Variants in EGFLAM observed in about 807,000 individuals in gnomAD.
EGFLAM encodes pikachurin.
In EGFLAM, 79 loss-of-function variants were observed where a neutral mutation model predicts 113.1. That is an observed-to-expected ratio of 0.70 (90% CI 0.58 to 0.84). EGFLAM has a LOEUF of 0.84. Among genes scored for constraint, EGFLAM ranks in the 40% least tolerant of loss-of-function variants. EGFLAM has a pLI of 0.00. For missense variants in EGFLAM, 1,265 were observed against 1,291.6 expected, an observed-to-expected ratio of 0.98 and a Z score of 0.32; for synonymous variants, 504 against 487.6, an observed-to-expected ratio of 1.03 and a Z score of -0.44.
chr5:38,297,489 C>A (rs1758475508), intron 1 of EGFLAM, among the ~76,000 whole-genome samples: 1 of 152,110 alleles, frequency 6.6e-6, no homozygotes, highest in Admixed American at 6.5e-5. Context: ...TCAAATCACA[C>A]AATTTTGGTT....
chr5:38,267,492 T>C (rs1757659971), intron 1 of EGFLAM, among the ~76,000 whole-genome samples: 1 of 152,236 alleles, frequency 6.6e-6, no homozygotes, highest in African/African-American at 2.4e-5. Flanking sequence ...TTGTAATTCT[T>C]GAGTGAGCAG....
intron 13 of EGFLAM, among the ~76,000 whole-genome samples, chr5:38,425,415 C>T (rs1425409268): frequency 2.6e-5 from 4 of 152,198 alleles, no homozygotes; most frequent in African/African-American, 9.6e-5. Flanking sequence ...GATCCACCCG[C>T]CTCGGCCTCC....
At position 38,412,637 on chromosome 5, in the gene EGFLAM, G is replaced by A; in HGVS notation, c.1483G>A (p.Gly495Ser). The A allele has an allele frequency of 6.2e-7, 1 of 1,613,982 alleles. No homozygotes were observed. The highest frequency in any genetic ancestry group is 8.5e-7 in the Non-Finnish European group (1 of 1,179,998). Reference protein sequence around the residue: ...LQLNNGTPVTGQSQGQYSKIT... With the variant: ...LQLNNGTPVTSQSQGQYSKIT... ...GCTGAACAATGGCACCCCAGTGACA[G>A]GCCAGTCTCAGGTATGTATGAGCCC... Residue 495 changes from glycine to serine, a missense_variant, in exon 11 of 22, where the codon GGC becomes AGC. Coordinates refer to ENST00000322350, the MANE Select transcript of EGFLAM (RefSeq NM_152403.4).
intron 3 of EGFLAM, among the ~76,000 whole-genome samples, chr5:38,348,127 T>G (rs548290734): frequency 1.5e-4 from 23 of 152,052 alleles, no homozygotes; most frequent in Non-Finnish European, 2.9e-4. Flanking sequence ...GGAGGAATGA[T>G]TCATTGAGCT....
At chr5:38,312,407 A>G (rs1046782914) in intron 1 of EGFLAM, among the ~76,000 whole-genome samples, 1 of 151,720 alleles carries the variant, frequency 6.6e-6, no homozygotes, top group African/African-American at 2.4e-5. Context: ...TCGCCTGGCT[A>G]ATTTTTTGTA....
At chr5:38,425,996 G>A (rs963019377) in intron 13 of EGFLAM, among the ~76,000 whole-genome samples, 2 of 151,914 alleles carry the variant, frequency 1.3e-5, no homozygotes, top group Admixed American at 6.6e-5. Flanking sequence ...CCAGCTACTC[G>A]GGAGGCTGAG....
rs1029811206 is a variant in EGFLAM, at chr5:38,424,971, A to G, written c.1689A>G (p.Glu563=). ...GKALSGADVG[E]CSSGICDEAS... ...TAATTCCCATTCTGTATTTAGGGGAATGCAGCAGTGGAATCTGTGATGAGG... is the reference window on the plus strand; with the variant it reads ...TAATTCCCATTCTGTATTTAGGGGAGTGCAGCAGTGGAATCTGTGATGAGG... Residue 563 remains glutamate (E), a synonymous_variant, in exon 13 of 22, where the codon GAA becomes GAG. Transcript: ENST00000322350. The G allele has an allele frequency of 6.2e-7, 1 of 1,613,588 alleles. No homozygotes were observed. The highest frequency in any genetic ancestry group is 1.1e-5 in the South Asian group (1 of 91,068).
intron 6 of EGFLAM, among the ~76,000 whole-genome samples, chr5:38,394,641 C>A (rs1740907432): frequency 6.6e-6 from 1 of 151,080 alleles, no homozygotes; most frequent in Admixed American, 6.6e-5. Flanking sequence ...GATCTCCTGA[C>A]CTCGTGATCC....
intron 17 of EGFLAM, among the ~76,000 whole-genome samples, chr5:38,443,582 C>T (rs930088122): frequency 3.3e-5 from 5 of 152,156 alleles, no homozygotes; most frequent in African/African-American, 4.8e-5. Context: ...AGCACGGGAG[C>T]GTGCCACCTT....
intron 5 of EGFLAM, among the ~76,000 whole-genome samples, chr5:38,357,796 T>G (rs1739801442): frequency 6.6e-6 from 1 of 151,924 alleles, no homozygotes; most frequent in Non-Finnish European, 1.5e-5. Flanking sequence ...TCATTTACTC[T>G]TCTTATTTGC....
chr5:38,403,856 G>A (rs370654364), intron 6 of EGFLAM: 97 of 1,613,748 alleles, frequency 6.0e-5, no homozygotes, highest in African/African-American at 1.9e-4. Flanking sequence ...ACACAGATAC[G>A]CTGCATGCAG....
chr5:38,355,689 A>G (rs1245755111), intron 5 of EGFLAM, among the ~76,000 whole-genome samples: 1 of 152,262 alleles, frequency 6.6e-6, no homozygotes, highest in Non-Finnish European at 1.5e-5. Context: ...ATTATGTACA[A>G]GTACAATTCC....
intron 19 of EGFLAM, among the ~76,000 whole-genome samples, chr5:38,457,982 A>G (rs1302242201): frequency 6.6e-6 from 1 of 152,126 alleles, no homozygotes; most frequent in Non-Finnish European, 1.5e-5. Context: ...ATTTAATGCA[A>G]TGCTTTTGTT....
In EGFLAM at chr5:38,435,160, C is replaced by A; in HGVS notation, c.2190C>A (p.Cys730Ter). 1 of 1,614,104 alleles carries A rather than the reference C, an allele frequency of 6.2e-7. No individual in the cohort carries two copies. Among genetic ancestry groups the A allele is most frequent in the Non-Finnish European group, 8.5e-7 (1 of 1,179,986 alleles). The change falls in exon 16 of 22, where the codon TGC becomes TGA. Residue 730 changes from cysteine (C) to a stop codon, truncating the protein, a stop_gained. Coordinates refer to ENST00000322350, the MANE Select transcript of EGFLAM (RefSeq NM_152403.4). LOFTEE classifies it high-confidence loss of function. ...AGGGAGGCTTCACACAGATTAAGTG[C>A]AACACAGACATTTTCATTGGCGGAG... is the stretch of plus-strand genomic sequence containing the variant. ...MAEGGFTQIK[C>*]NTDIFIGGVP...
chr5:38,364,618 G>A lies in EGFLAM; in HGVS notation c.546-5678G>A, dbSNP rs549385766. ...TATGGAAAGTTGTAAGCAGGAAAGAGACTGGTAGCATTCCCGTCTTTGAAA... is the reference window on the plus strand; with the variant it reads ...TATGGAAAGTTGTAAGCAGGAAAGAAACTGGTAGCATTCCCGTCTTTGAAA... On this transcript the variant is annotated intron_variant, in intron 5 of 21. Transcript: ENST00000322350. Among the ~76,000 whole-genome samples, 6 of 152,288 alleles carry A rather than the reference G, an allele frequency of 3.9e-5. No homozygotes were observed. The East Asian group carries it at 1.2e-3, about 29-fold the overall frequency.
At position 38,258,870 on chromosome 5, in the gene EGFLAM, C is replaced by A; in HGVS notation, c.97+19C>A. The A allele has an allele frequency of 1.2e-6, 2 of 1,602,956 alleles. No individual in the cohort carries two copies. The highest frequency in any genetic ancestry group is 2.2e-5 in the East Asian group (1 of 44,458). On this transcript the variant is annotated intron_variant, in intron 1 of 21. Transcript: ENST00000322350. ...AAACCAGGTAATGCGCTCCTCCGCC[C>A]AGAGCCACCACGCCCCGAGCGCCCC... is the stretch of plus-strand genomic sequence containing the variant.
intron 1 of EGFLAM, among the ~76,000 whole-genome samples, chr5:38,262,218 A>G (rs1757516140): frequency 6.6e-6 from 1 of 152,178 alleles, no homozygotes; most frequent in East Asian, 1.9e-4. Context: ...AAAGTGCGGG[A>G]GGACTGCCGT....
intron 1 of EGFLAM, among the ~76,000 whole-genome samples, chr5:38,266,761 T>C (rs910534360): frequency 5.9e-5 from 9 of 152,198 alleles, no homozygotes; most frequent in African/African-American, 2.2e-4. Flanking sequence ...TTGCAGGATG[T>C]GGTAGGGCAG....
At chr5:38,434,834 GA>G (rs767772481) in intron 15 of EGFLAM, among the ~76,000 whole-genome samples, 5 of 152,214 alleles carry the variant, frequency 3.3e-5, no homozygotes, top group Non-Finnish European at 5.9e-5. Context: ...GGGTACCTGT[GA>G]ACGGTAGTGC....
Sources: gnomAD v4.1 joint callset for allele counts (sites outside exome capture counted in the v4.1 genomes callset) on GRCh38, gnomAD v4.1.1 for gene constraint, MANE v1.5 for transcripts, NCBI Gene and HGNC (gene_info 2026-07-23, HGNC 2026-07-21) for gene names.